The following SMYD2 variants were observed in gnomAD, a reference collection of about 807,000 sequenced individuals.
SMYD2 encodes the protein SET and MYND domain containing 2.
A neutral mutation model predicts 59.1 loss-of-function variants in SMYD2; 53 were observed. The observed-to-expected ratio is 0.90, with a 90% CI of 0.72 to 1.13. The LOEUF is 1.13. SMYD2 is among the 50% of genes most tolerant of loss of function. The probability of loss-of-function intolerance (pLI) is 0.00; values close to 1 mark genes in which losing one functional copy is unlikely to be tolerated. For missense variants in SMYD2, 494 were observed against 544.7 expected, an observed-to-expected ratio of 0.91 and a Z score of 0.93; for synonymous variants, 208 against 198.8, an observed-to-expected ratio of 1.05 and a Z score of -0.39.
At chr1:214,293,831 C>A (rs1656678151) in intron 1 of SMYD2, among the ~76,000 whole-genome samples, 1 of 152,112 alleles carries the variant, frequency 6.6e-6, no homozygotes, top group African/African-American at 2.4e-5. Context: ...CACCCGCCAC[C>A]ACGCCCAGTT....
chr1:214,288,163 T>C (rs1256260048), intron 1 of SMYD2, among the ~76,000 whole-genome samples: 1 of 152,118 alleles, frequency 6.6e-6, no homozygotes, highest in Non-Finnish European at 1.5e-5. Context: ...ATCCTCTCAA[T>C]CAAAAAAAAT....
intron 1 of SMYD2, among the ~76,000 whole-genome samples, chr1:214,303,379 G>A (rs139410833): frequency 1.1e-3 from 173 of 152,256 alleles, no homozygotes; most frequent in African/African-American, 4.0e-3. Context: ...TTTCCCGAGA[G>A]AGCAAGGGTC....
chr1:214,321,464 T>G (rs562655990), intron 5 of SMYD2, among the ~76,000 whole-genome samples: 1 of 152,272 alleles, frequency 6.6e-6, no homozygotes, highest in East Asian at 1.9e-4. Context: ...CAAAGAAAAC[T>G]CCAAAGCAGA....
Position 214,312,678 on chromosome 1 carries a change from G to A in SMYD2, c.238-2084G>A, listed in dbSNP as rs115409584. Among the ~76,000 whole-genome samples the A allele has an allele frequency of 0.014, 2,152 of 152,270 alleles. 27 individuals are homozygous for A. Among genetic ancestry groups the A allele is most frequent in the Non-Finnish European group, 0.02 (1,331 of 68,022 alleles). ...TTGAGGCAGGTACATGGCTCCAGGC[G>A]CAGCCAGGACACTTCTGTGGCTAAG... On this transcript the variant is annotated intron_variant, in intron 2 of 11. Coordinates refer to ENST00000366957, the MANE Select transcript of SMYD2 (RefSeq NM_020197.3). The surrounding 1 kb of genome is among the most constrained non-coding windows in gnomAD (Gnocchi z 4.1).
intron 2 of SMYD2, among the ~76,000 whole-genome samples, chr1:214,310,503 ATTTTTTTT>A (rs10699247): frequency 7.3e-6 from 1 of 136,422 alleles, no homozygotes; most frequent in Non-Finnish European, 1.6e-5. Context: ...TATTTTATTA[ATTTTTTTT>A]TTTTTTTTTT....
intron 1 of SMYD2, among the ~76,000 whole-genome samples, chr1:214,292,236 A>G (rs1656647422): frequency 6.6e-6 from 1 of 152,146 alleles, no homozygotes. Flanking sequence ...CAGGAGCCAT[A>G]TCTGAGTCTA....
chr1:214,330,982 C>T lies in SMYD2; in HGVS notation c.849C>T (p.Ser283=), dbSNP rs146944968. The change falls in exon 9 of 12, where the codon AGC becomes AGT. Residue 283 remains serine, a synonymous_variant. Coordinates refer to ENST00000366957, the MANE Select transcript of SMYD2 (RefSeq NM_020197.3). ...CCAAGGTGGAAATCCGGAAGCTCAGCGATCCCCCAAAGGCAGAAGCCATCC... is the reference window on the plus strand; with the variant it reads ...CCAAGGTGGAAATCCGGAAGCTCAGTGATCCCCCAAAGGCAGAAGCCATCC... ...DKAKVEIRKL[S]DPPKAEAIRD... 1.1e-5 allele frequency: 18 copies of T among 1,614,072 alleles called. No individual in the cohort carries two copies. The highest frequency in any genetic ancestry group is 6.7e-5 in the African/African-American group (5 of 74,938).
intron 6 of SMYD2, among the ~76,000 whole-genome samples, chr1:214,326,675 C>T (rs1657268571): frequency 6.6e-6 from 1 of 152,128 alleles, no homozygotes; most frequent in Non-Finnish European, 1.5e-5. Flanking sequence ...AGGCCATAGC[C>T]AGCCTGGGGC....
intron 2 of SMYD2, among the ~76,000 whole-genome samples, chr1:214,309,298 C>A (rs1656962852): frequency 6.6e-6 from 1 of 152,064 alleles, no homozygotes; most frequent in Admixed American, 6.6e-5. Context: ...TATTTTGTAA[C>A]CTGTGTGTTT....
At position 214,324,643 on chromosome 1, in the gene SMYD2, T is replaced by G; in HGVS notation, c.537T>G (p.Val179=). ...NDSLVVLFAQ[V]NCNGFTIEDE... is the part of the protein sequence containing the mutation. ...TTTCTCCCTTTTTCTTGCTGCAGGT[T>G]AACTGTAATGGCTTCACAATTGAAG... Residue 179 remains valine (V), a splice_region_variant and synonymous_variant, in exon 6 of 12, where the codon GTT becomes GTG. Transcript: ENST00000366957. The G allele has an allele frequency of 6.2e-7, 1 of 1,610,268 alleles. No homozygotes were observed. The highest frequency in any genetic ancestry group is 8.5e-7 in the Non-Finnish European group (1 of 1,178,530).
Position 214,318,748 on chromosome 1 carries a change from G to GGT in SMYD2, c.410-111_410-110insGT. The GGT allele has an allele frequency of 9.9e-7, 1 of 1,008,030 alleles. No individual in the cohort carries two copies. The highest frequency in any genetic ancestry group is 1.9e-5 in the South Asian group (1 of 53,020). The allele number at this position is 1,008,030 out of a possible 1,614,324, so 62.4% of individuals were successfully genotyped here. A position where few individuals can be genotyped will look rare whatever the true frequency, so the allele number is the denominator to read the frequency against. ...TGGGGGTTCAACATGTTAGTTTTGG[G>GGT]TTTTTTTTTTTTCGCCCGTTCCTTT... On this transcript the variant is annotated intron_variant, in intron 4 of 11. Coordinates refer to ENST00000366957, the MANE Select transcript of SMYD2 (RefSeq NM_020197.3). This position sits in a 1 kb window ranked among gnomAD's most constrained non-coding sequence, Gnocchi z 5.4.
chr1:214,327,915 CT>C (rs1657289374), intron 7 of SMYD2, among the ~76,000 whole-genome samples, 191 bp downstream of exon 7: 1 of 152,218 alleles, frequency 6.6e-6, no homozygotes, highest in Non-Finnish European at 1.5e-5. Context: ...GATTCCCACA[CT>C]TTGGGGCTTC....
intron 2 of SMYD2, among the ~76,000 whole-genome samples, chr1:214,307,330 G>C (rs1024271723): frequency 6.6e-6 from 1 of 152,236 alleles, no homozygotes; most frequent in African/African-American, 2.4e-5. Flanking sequence ...ATATACAGGT[G>C]TGAGGAGTTA....
At chr1:214,309,187 CAG>C (rs1243404300) in intron 2 of SMYD2, among the ~76,000 whole-genome samples, 3 of 152,166 alleles carry the variant, frequency 2.0e-5, no homozygotes, top group African/African-American at 7.2e-5. Flanking sequence ...TCACTTGACT[CAG>C]TGTGATGGTG....
intron 2 of SMYD2, 59 bp downstream of exon 2, chr1:214,305,309 T>C (rs1656899088): frequency 6.8e-7 from 1 of 1,479,056 alleles, no homozygotes; most frequent in Admixed American, 1.7e-5. Context: ...TCCTCTTCCT[T>C]GTCATGGCAT....
chr1:214,303,040 C>A (rs1468492754), intron 1 of SMYD2, among the ~76,000 whole-genome samples: 1 of 152,048 alleles, frequency 6.6e-6, no homozygotes, highest in African/African-American at 2.4e-5. Context: ...CAGCAAAGCC[C>A]TTGAAATTTT....
chr1:214,281,623 A>T (rs1408147016), intron 1 of SMYD2, among the ~76,000 whole-genome samples, 196 bp downstream of exon 1: 1 of 152,098 alleles, frequency 6.6e-6, no homozygotes, highest in Non-Finnish European at 1.5e-5. Flanking sequence ...CACGTGCGAG[A>T]GGAAACAGGA....
intron 1 of SMYD2, 80 bp from the exon 2 acceptor site, chr1:214,305,107 G>A (rs1194060629): frequency 8.9e-6 from 12 of 1,348,982 alleles, no homozygotes; most frequent in Admixed American, 1.7e-5. Context: ...CAACCAAGTG[G>A]CTTTTGTTGT....
chr1:214,310,736 G>A (rs750729479), intron 2 of SMYD2, among the ~76,000 whole-genome samples: 1 of 152,062 alleles, frequency 6.6e-6, no homozygotes, highest in South Asian at 2.1e-4. Flanking sequence ...CATCAGGTTA[G>A]CCTAATTTGT....
Sources: gnomAD v4.1 joint callset for allele counts (sites outside exome capture counted in the v4.1 genomes callset) on GRCh38, gnomAD v4.1.1 for gene constraint, Gnocchi (gnomAD v3.1) non-coding constraint, MANE v1.5 for transcripts, NCBI Gene and HGNC (gene_info 2026-07-23, HGNC 2026-07-21) for gene names.